Variants in ENTPD8 observed in about 807,000 individuals in gnomAD.
The protein encoded by ENTPD8 is ectonucleoside triphosphate diphosphohydrolase 8.
ENTPD8 carries 35 observed loss-of-function variants against 47.0 expected under a neutral mutation model. The ratio of observed to expected loss-of-function variants is 0.75; its 90% CI spans 0.57 to 0.99. The LOEUF (loss-of-function observed/expected upper bound fraction) is 0.99, where lower values mean the gene tolerates loss of function less well. Ranked by LOEUF, ENTPD8 falls within the 50% of genes least tolerant of loss-of-function variation. The probability of loss-of-function intolerance (pLI) is 0.00; values close to 1 mark genes in which losing one functional copy is unlikely to be tolerated. For missense variants in ENTPD8, 668 were observed against 649.9 expected, an observed-to-expected ratio of 1.03 and a Z score of -0.30; for synonymous variants, 308 against 290.5, an observed-to-expected ratio of 1.06 and a Z score of -0.61.
In ENTPD8 at chr9:137,436,610, A is replaced by C; in HGVS notation, c.697T>G (p.Tyr233Asp). 2 of 1,610,836 alleles carry C rather than the reference A, an allele frequency of 1.2e-6. No homozygotes were observed. The highest frequency in any genetic ancestry group is 1.7e-6 in the Non-Finnish European group (2 of 1,179,238). The stretch of plus-strand genomic sequence containing the variant: ...GTGTAGACGCTGTAGTCGGAGCCGT[A>C]GAGGCGAAAATCGGCCTGGGTGCTC... ...DKSTQADFRL[Y>D]GSDYSVYTHS... is the part of the protein sequence containing the mutation. The change falls in exon 6 of 10, where the codon TAC becomes GAC. Residue 233 changes from tyrosine to aspartate, a missense_variant. Physicochemically the swap from Tyr to Asp is radical, Grantham distance 160. Coordinates refer to ENST00000371506, the MANE Select transcript of ENTPD8 (RefSeq NM_001033113.2).
At position 137,436,723 on chromosome 9, in the gene ENTPD8, G is replaced by A; in HGVS notation, c.584C>T (p.Pro195Leu). ...KYSFTGEWIQ[P>L]PEEMLVGALD... is the part of the protein sequence containing the mutation. The stretch of plus-strand genomic sequence containing the variant: ...GGCACCCACCAGCATCTCCTCCGGA[G>A]GCTGGATCCATTCTCCAGTGAAGGA... Residue 195 changes from proline to leucine, a missense_variant, in exon 6 of 10, where the codon CCT becomes CTT. Pro to Leu is a moderately conservative substitution (Grantham distance 98). Transcript: ENST00000371506. 5.0e-6 allele frequency: 8 copies of A among 1,601,632 alleles called. No individual in the cohort carries two copies. Among genetic ancestry groups the A allele is most frequent in the Non-Finnish European group, 6.8e-6 (8 of 1,174,384 alleles).
chr9:137,435,094 C>T lies in ENTPD8; in HGVS notation c.1308G>A (p.Val436=). 1 of 1,610,004 alleles carries T rather than the reference C, an allele frequency of 6.2e-7. No individual in the cohort carries two copies. Among genetic ancestry groups the T allele is most frequent in the Non-Finnish European group, 8.5e-7 (1 of 1,179,198 alleles). Residue 436 remains valine (V), a synonymous_variant, in exon 10 of 10, where the codon GTG becomes GTA. Coordinates refer to ENST00000371506, the MANE Select transcript of ENTPD8 (RefSeq NM_001033113.2). ...SLEFRKQAGG[V]DIGWTLGYML... The stretch of plus-strand genomic sequence containing the variant: ...TGTAGCCCAGTGTCCAGCCAATGTC[C>T]ACACCGCCCGCCTGCGGGACACACG...
intron 1 of ENTPD8, among the ~76,000 whole-genome samples, chr9:137,439,930 C>A (rs540888066): frequency 4.0e-4 from 38 of 94,328 alleles, no homozygotes; most frequent in Non-Finnish European, 6.3e-4. Flanking sequence ...GCCCCCAGAC[C>A]AGGAGAGCCC....
chr9:137,437,455 A>C, intron 3 of ENTPD8, 146 bp from the exon 4 acceptor site: 1 of 1,016,978 alleles, frequency 9.8e-7, no homozygotes, highest in Non-Finnish European at 1.4e-6. Flanking sequence ...GGAAGCAGGA[A>C]GGACCCTAAC....
Position 137,438,103 on chromosome 9 carries a change from G to C in ENTPD8, c.127-19C>G. On this transcript the variant is annotated intron_variant, in intron 2 of 9. Coordinates refer to ENST00000371506, the MANE Select transcript of ENTPD8 (RefSeq NM_001033113.2). The surrounding 1 kb of genome is among the most constrained non-coding windows in gnomAD (Gnocchi z 5.7). ...TCCCAAACTGGGGAGACAGTGGGAT[G>C]AGTGGGAGGCAACACCTGTGGACCC... is the stretch of plus-strand genomic sequence containing the variant. The C allele has an allele frequency of 4.3e-6, 7 of 1,612,362 alleles. No individual in the cohort carries two copies. Among genetic ancestry groups the C allele is most frequent in the Non-Finnish European group, 5.1e-6 (6 of 1,179,532 alleles).
chr9:137,438,370 A>G lies in ENTPD8; in HGVS notation c.-20-65T>C. ...TGTCCCCATCCCGCCCTCCAGAGGC[A>G]GAGGCTTCGCTCCCCGTCTCCCTGG... On this transcript the variant is annotated intron_variant, in intron 1 of 9. Coordinates refer to ENST00000371506, the MANE Select transcript of ENTPD8 (RefSeq NM_001033113.2). This position sits in a 1 kb window ranked among gnomAD's most constrained non-coding sequence, Gnocchi z 5.7. 2 of 1,432,196 alleles carry G rather than the reference A, an allele frequency of 1.4e-6. No individual in the cohort carries two copies. The highest frequency in any genetic ancestry group is 1.8e-6 in the Non-Finnish European group (2 of 1,090,944). 88.7% of individuals were successfully genotyped at this position (1,432,196 alleles called of 1,614,324 possible).
chr9:137,438,649 C>T lies in ENTPD8; in HGVS notation c.-20-344G>A, dbSNP rs1839436845. 2.7e-5 allele frequency among the ~76,000 whole-genome samples: 4 copies of T among 150,006 alleles called. No homozygotes were observed. Among genetic ancestry groups the T allele is most frequent in the Admixed American group, 1.3e-4 (2 of 15,136 alleles). The stretch of plus-strand genomic sequence containing the variant: ...CATCCCCGGGGCTCAGACGGTCTCC[C>T]GTGGCCATAGAGGCATCCCCGGGGC... On this transcript the variant is annotated intron_variant, in intron 1 of 9. Coordinates refer to ENST00000371506, the MANE Select transcript of ENTPD8 (RefSeq NM_001033113.2). The surrounding 1 kb of genome is among the most constrained non-coding windows in gnomAD (Gnocchi z 5.7).
rs1338328873 is a variant in ENTPD8, at chr9:137,436,988, C to T, written c.436G>A (p.Val146Ile). 7 of 1,612,956 alleles carry T rather than the reference C, an allele frequency of 4.3e-6. No individual in the cohort carries two copies. Among genetic ancestry groups the T allele is most frequent in the South Asian group, 1.1e-5 (1 of 91,082 alleles). Residue 146 changes from valine to isoleucine, a missense_variant, in exon 5 of 10, where the codon GTC (valine) becomes ATC (isoleucine). Transcript: ENST00000371506. Reference sequence around the variant, plus strand: ...GGAGACCGGCCCAGGACCTGGGTGACTGCTGCAAAGATGTCCCTGGCCTGA... The same window carrying T: ...GGAGACCGGCCCAGGACCTGGGTGATTGCTGCAAAGATGTCCCTGGCCTGA... ...SSQARDIFAA[V>I]TQVLGRSPVD...
chr9:137,435,200 TCA>T lies in ENTPD8; in HGVS notation c.1296+2_1296+3del. On this transcript the variant is annotated splice_donor_variant and splice_donor_region_variant and intron_variant, in intron 9 of 9. Transcript: ENST00000371506. LOFTEE classifies it high-confidence loss of function. ...CCCCGCCCACGCCCAGGGGAGGCAG[TCA>T]CCTGCTTTCGGAACTCGAGGCTGGG... The T allele has an allele frequency of 3.7e-6, 6 of 1,610,062 alleles. No homozygotes were observed. The highest frequency in any genetic ancestry group is 5.1e-6 in the Non-Finnish European group (6 of 1,179,078).
chr9:137,435,821 G>T lies in ENTPD8; in HGVS notation c.1059C>A (p.Ser353=). 9 of 1,613,460 alleles carry T rather than the reference G, an allele frequency of 5.6e-6. No homozygotes were observed. Among genetic ancestry groups the T allele is most frequent in the Non-Finnish European group, 7.6e-6 (9 of 1,179,886 alleles). ...GGAAGTGGAAGGTGTAGTAGAAGTTGGAGAAGGCCTGAGTGAGAGGGGAGG... is the reference window on the plus strand; with the variant it reads ...GGAAGTGGAAGGTGTAGTAGAAGTTTGAGAAGGCCTGAGTGAGAGGGGAGG... ...PPLRGQFYAF[S]NFYYTFHFLN... Residue 353 remains serine, a synonymous_variant, in exon 8 of 10, where the codon TCC becomes TCA. Transcript: ENST00000371506.
At position 137,438,235 on chromosome 9, in the gene ENTPD8, C is replaced by T. The variant is rs765558030; in HGVS notation, c.51G>A (p.Ser17=). 10 of 1,601,620 alleles carry T rather than the reference C, an allele frequency of 6.2e-6. No individual in the cohort carries two copies. Among genetic ancestry groups the T allele is most frequent in the Middle Eastern group, 1.7e-4 (1 of 6,002 alleles). The change falls in exon 2 of 10, where the codon TCG becomes TCA. Residue 17 remains serine (S), a synonymous_variant. Transcript: ENST00000371506. The surrounding 1 kb of genome is among the most constrained non-coding windows in gnomAD (Gnocchi z 5.7). Reference sequence around the variant, plus strand: ...TGAGTGCCGTGAGGCCTGAGACCCCCGAGGCCCCCAGCAGGGCCAAGAAGA... The same window carrying T: ...TGAGTGCCGTGAGGCCTGAGACCCCTGAGGCCCCCAGCAGGGCCAAGAAGA... The part of the protein sequence containing the change: ...EQVFLALLGA[S]GVSGLTALIL...
intron 9 of ENTPD8, 43 bp from the exon 10 acceptor site, chr9:137,435,148 C>T: frequency 6.2e-7 from 1 of 1,602,254 alleles, no homozygotes; most frequent in South Asian, 1.1e-5. Flanking sequence ...GCAGCTACCC[C>T]AGGACCACGA....
chr9:137,436,791 C>A lies in ENTPD8; in HGVS notation c.556-40G>T. The A allele has an allele frequency of 1.9e-6, 3 of 1,601,598 alleles. No individual in the cohort carries two copies. In the South Asian group the frequency reaches 3.3e-5, roughly 18 times the overall value. On this transcript the variant is annotated intron_variant, in intron 5 of 9. Coordinates refer to ENST00000371506, the MANE Select transcript of ENTPD8 (RefSeq NM_001033113.2). ...GGCCACTCAGCTGGGAGCAGCCACC[C>A]GGACCCCGTCCCGGTCAGCCAGCCC...
rs570584205 is a variant in ENTPD8 at position 137,434,504 on chromosome 9, G to A, written c.*410C>T. On this transcript the variant is annotated 3_prime_UTR_variant, in exon 10 of 10. Coordinates refer to ENST00000371506, the MANE Select transcript of ENTPD8 (RefSeq NM_001033113.2). ...CTGCTCAGACAACAGCAGGGAGAGC[G>A]GGGGTCCAGGTGGGGCAGCTCCCTC... 10 of 1,029,410 alleles carry A rather than the reference G, an allele frequency of 9.7e-6. No individual in the cohort carries two copies. Among genetic ancestry groups the A allele is most frequent in the South Asian group, 6.5e-5 (4 of 61,624 alleles). The allele number at this position is 1,029,410 out of a possible 1,614,324, so 63.8% of individuals were successfully genotyped here.
intron 1 of ENTPD8, among the ~76,000 whole-genome samples, chr9:137,439,190 G>A (rs377096426): frequency 5.9e-5 from 9 of 152,156 alleles, no homozygotes; most frequent in Non-Finnish European, 4.4e-5. Context: ...GCCAGATGGC[G>A]CCTGGTCGGG....
At chr9:137,437,772 ACTG>A (rs1839410359) in intron 3 of ENTPD8, among the ~76,000 whole-genome samples, 192 bp downstream of exon 3, 1 of 152,176 alleles carries the variant, frequency 6.6e-6, no homozygotes, top group Admixed American at 6.5e-5. Flanking sequence ...TGAGAATCTG[ACTG>A]CTCACCAGGA....
intron 1 of ENTPD8, among the ~76,000 whole-genome samples, chr9:137,439,900 C>T (rs1208350365): frequency 8.2e-6 from 1 of 121,768 alleles, no homozygotes; most frequent in Admixed American, 8.6e-5. Flanking sequence ...CCAGAACAGC[C>T]CCCCCGAGAC....
chr9:137,435,340 T>TGGGGCCCAGGAGACCAAGAGGCGAGGTG lies in ENTPD8; in HGVS notation c.1162-30_1162-3dup. ...CTGCCCAGGGTAGCTGGCCTCCACCTGGGGCCCAGGAGACCAAGAGGCGAG... is the reference window on the plus strand; with the variant it reads ...CTGCCCAGGGTAGCTGGCCTCCACCTGGGGCCCAGGAGACCAAGAGGCGAGGTGGGGGCCCAGGAGACCAAGAGGCGAG... On this transcript the variant is annotated splice_region_variant and splice_polypyrimidine_tract_variant and intron_variant, in intron 8 of 9. Coordinates refer to ENST00000371506, the MANE Select transcript of ENTPD8 (RefSeq NM_001033113.2). 5.6e-6 allele frequency: 9 copies of TGGGGCCCAGGAGACCAAGAGGCGAGGTG among 1,608,742 alleles called. No individual in the cohort carries two copies. Among genetic ancestry groups the TGGGGCCCAGGAGACCAAGAGGCGAGGTG allele is most frequent in the Non-Finnish European group, 7.6e-6 (9 of 1,178,036 alleles).
rs375074535 is a variant in ENTPD8 at position 137,435,026 on chromosome 9, T to C, written c.1376A>G (p.Gln459Arg). 80 of 1,612,708 alleles carry C rather than the reference T, an allele frequency of 5.0e-5. No individual in the cohort carries two copies. In the Middle Eastern group the frequency reaches 6.6e-4, roughly 13 times the overall value. ...TGMIPADAPA[Q>R]WRAESYGVWV... ...GACGCCGTAGCTCTCTGCCCGCCAC[T>C]GAGCCGGCGCATCGGCCGGGATCAT... is the stretch of plus-strand genomic sequence containing the variant. Residue 459 changes from glutamine to arginine, a missense_variant, in exon 10 of 10, where the codon CAG (glutamine) becomes CGG (arginine). Transcript: ENST00000371506.
Sources: allele counts gnomAD v4.1 joint callset (sites outside exome capture counted in the v4.1 genomes callset), GRCh38; gene constraint gnomAD v4.1.1; non-coding constraint Gnocchi (gnomAD v3.1); transcripts MANE v1.5; gene names NCBI Gene and HGNC (gene_info 2026-07-23, HGNC 2026-07-21).